SMIM1: variants seen among roughly 807,000 people sequenced by gnomAD.
The protein encoded by SMIM1 is small integral membrane protein 1 (Vel blood group).
In SMIM1, 7 loss-of-function variants were observed where a neutral mutation model predicts 7.7. The observed-to-expected ratio is 0.91, with a 90% CI of 0.52 to 1.71. The LOEUF is 1.71. Ranked by LOEUF, SMIM1 falls within the 40% of genes most tolerant of loss-of-function variation. The pLI is 0.00. For synonymous variants in SMIM1, 41 were observed against 42.7 expected (o/e 0.96, Z 0.16); for missense variants, 95 against 102.8 (o/e 0.92, Z 0.33).
In SMIM1 at chr1:3,775,083, C is replaced by G. The variant is rs933030615; in HGVS notation, c.-75-216C>G. On this transcript the variant is annotated intron_variant, in intron 2 of 3. Transcript: ENST00000642557. This position sits in a 1 kb window ranked among gnomAD's most constrained non-coding sequence, Gnocchi z 5.3. ...AAGGAAACACTGGCCTCCCACATGC[C>G]TGAGGTCAGGGCTTGGCCTGAGATG... Among the ~76,000 whole-genome samples, 1 of 152,180 alleles carries G rather than the reference C, an allele frequency of 6.6e-6. No homozygotes were observed. Among genetic ancestry groups the G allele is most frequent in the African/African-American group, 2.4e-5 (1 of 41,436 alleles).
At chr1:3,774,229 C>T (rs1643423845) in intron 2 of SMIM1, among the ~76,000 whole-genome samples, 1 of 152,134 alleles carries the variant, frequency 6.6e-6, no homozygotes, top group Admixed American at 6.5e-5. Flanking sequence ...GCCCGAGGAC[C>T]CCACTCCTGG....
At chr1:3,773,271 C>CA (rs1207042947) in intron 2 of SMIM1, 90 bp downstream of exon 2, 2 of 152,420 alleles carry the variant, frequency 1.3e-5, no homozygotes, top group Non-Finnish European at 2.9e-5. Context: ...CACAAGCCCC[C>CA]AGGAGGTGCC....
In SMIM1 at chr1:3,775,203, C is replaced by T. The variant is rs996761921; in HGVS notation, c.-75-96C>T. 36 of 546,792 alleles carry T rather than the reference C, an allele frequency of 6.6e-5. No homozygotes were observed. Among genetic ancestry groups the T allele is most frequent in the African/African-American group, 1.7e-4 (9 of 52,644 alleles). 33.9% of individuals were successfully genotyped at this position (546,792 alleles called of 1,614,324 possible). On this transcript the variant is annotated intron_variant, in intron 2 of 3. Transcript: ENST00000642557. This position sits in a 1 kb window ranked among gnomAD's most constrained non-coding sequence, Gnocchi z 5.3. ...CACCTGTTAAGTCAGGCGACAGACC[C>T]GGTGAGGGAGTCAGCCCCCGACCCT...
chr1:3,773,288 C>T (rs34961462), intron 2 of SMIM1, 107 bp downstream of exon 2: 15,148 of 152,468 alleles, frequency 0.099, 786 homozygotes, highest in Middle Eastern at 0.12. Flanking sequence ...TGCCAGGATC[C>T]GGGAGCCTCC....
chr1:3,775,444 G>T lies in SMIM1; in HGVS notation c.71G>T (p.Gly24Val). 7 of 1,511,978 alleles carry T rather than the reference G, an allele frequency of 4.6e-6. No homozygotes were observed. The highest frequency in any genetic ancestry group is 5.4e-6 in the Non-Finnish European group (6 of 1,112,614). 93.7% of individuals were successfully genotyped at this position (1,511,978 alleles called of 1,614,324 possible). A position where few individuals can be genotyped will look rare whatever the true frequency, so the allele number is the denominator to read the frequency against. The change falls in exon 3 of 4, where the codon GGG (glycine) becomes GTG (valine). Residue 24 changes from glycine to valine, a missense_variant. Transcript: ENST00000642557. The surrounding 1 kb of genome is among the most constrained non-coding windows in gnomAD (Gnocchi z 5.3). ...EDGSRDGVSLGAVSSTEEASR... is the reference protein window; with the variant it reads ...EDGSRDGVSLVAVSSTEEASR... ...GGCAGCAGGGACGGAGTCAGCCTAG[G>T]GGCTGTGTCCAGCACAGAAGAGGCC...
intron 2 of SMIM1, among the ~76,000 whole-genome samples, chr1:3,774,455 C>T (rs1468750010): frequency 6.6e-6 from 1 of 152,184 alleles, no homozygotes; most frequent in Non-Finnish European, 1.5e-5. Context: ...TGTGCTAGTG[C>T]TTGGAGTTCC....
chr1:3,773,871 G>A (rs1643419329), intron 2 of SMIM1, among the ~76,000 whole-genome samples: 1 of 152,224 alleles, frequency 6.6e-6, no homozygotes, highest in Admixed American at 6.5e-5. Context: ...GTAGGCAGCT[G>A]ACCGCTCCAC....
chr1:3,774,647 T>C (rs1643429947), intron 2 of SMIM1, among the ~76,000 whole-genome samples: 1 of 152,012 alleles, frequency 6.6e-6, no homozygotes, highest in African/African-American at 2.4e-5. Flanking sequence ...CTCCTGTCTC[T>C]GTAGGGCCTC....
In SMIM1 at chr1:3,775,285, C is replaced by G; in HGVS notation, c.-75-14C>G. The stretch of plus-strand genomic sequence containing the variant: ...GGGGTCTTGACTGCCGCCCTCCATC[C>G]GCTTGTTTTACAGTGAAGCCACAGC... On this transcript the variant is annotated splice_polypyrimidine_tract_variant and intron_variant, in intron 2 of 3. Transcript: ENST00000642557. This position sits in a 1 kb window ranked among gnomAD's most constrained non-coding sequence, Gnocchi z 5.3. The G allele has an allele frequency of 1.0e-6, 1 of 986,532 alleles. No individual in the cohort carries two copies. The highest frequency in any genetic ancestry group is 1.5e-6 in the Non-Finnish European group (1 of 679,238). The allele number at this position is 986,532 out of a possible 1,614,324, so 61.1% of individuals were successfully genotyped here.
At chr1:3,772,961 C>G (rs575845406) in intron 1 of SMIM1, 102 bp from the exon 2 acceptor site, 52 of 152,448 alleles carry the variant, frequency 3.4e-4, no homozygotes, top group African/African-American at 1.3e-3. Flanking sequence ...CGCCCGGCTC[C>G]TTGCCCGGCT....
intron 2 of SMIM1, among the ~76,000 whole-genome samples, chr1:3,774,715 C>T (rs1643431564): frequency 6.6e-6 from 1 of 152,162 alleles, no homozygotes; most frequent in African/African-American, 2.4e-5. Context: ...CCCCAAGCCC[C>T]AGCCCTCCTA....
Position 3,775,602 on chromosome 1 carries a change from A to G in SMIM1, c.110+119A>G. ...TCCACCCCATCCTGGCTGGGAGCCC[A>G]CGGTCCAGCAGCTCAGCAAACCGCA... On this transcript the variant is annotated intron_variant, in intron 3 of 3. Coordinates refer to ENST00000642557, the MANE Select transcript of SMIM1 (RefSeq NM_001288583.2). The surrounding 1 kb of genome is among the most constrained non-coding windows in gnomAD (Gnocchi z 5.3). 1 of 1,275,696 alleles carries G rather than the reference A, an allele frequency of 7.8e-7. No homozygotes were observed. Among genetic ancestry groups the G allele is most frequent in the African/African-American group, 1.5e-5 (1 of 66,976 alleles). 79.0% of individuals were successfully genotyped at this position (1,275,696 alleles called of 1,614,324 possible).
rs1169340827 is a variant in SMIM1, at chr1:3,775,411, G to A, written c.38G>A (p.Trp13Ter). 6.4e-7 allele frequency: 1 copy of A among 1,550,654 alleles called. No homozygotes were observed. Among genetic ancestry groups the A allele is most frequent in the East Asian group, 2.4e-5 (1 of 40,894 alleles). The change falls in exon 3 of 4, where the codon TGG becomes TAG. Residue 13 changes from tryptophan to a stop codon, truncating the protein, a stop_gained. Coordinates refer to ENST00000642557, the MANE Select transcript of SMIM1 (RefSeq NM_001288583.2). LOFTEE classifies it high-confidence loss of function. This position sits in a 1 kb window ranked among gnomAD's most constrained non-coding sequence, Gnocchi z 5.3. ...GAGAGCCACGTCCACTATAGTAGGT[G>A]GGAGGACGGCAGCAGGGACGGAGTC... is the stretch of plus-strand genomic sequence containing the variant. ...PQESHVHYSRWEDGSRDGVSL... is the reference protein window; with the variant it reads ...PQESHVHYSR
intron 2 of SMIM1, among the ~76,000 whole-genome samples, chr1:3,774,912 C>G (rs1411608047): frequency 6.6e-6 from 1 of 151,776 alleles, no homozygotes; most frequent in East Asian, 1.9e-4. Context: ...CCAGAAGGCG[C>G]CTTATCGGGC....
rs1643441701 is a variant in SMIM1 at position 3,775,347 on chromosome 1, C to T, written c.-27C>T. ...TCTTGATCTCCCCACCGAGAAGGCC[C>T]CGCCCCTCCCGCTGCAGCCCCACAG... On this transcript the variant is annotated 5_prime_UTR_variant, in exon 3 of 4. Coordinates refer to ENST00000642557, the MANE Select transcript of SMIM1 (RefSeq NM_001288583.2). This position sits in a 1 kb window ranked among gnomAD's most constrained non-coding sequence, Gnocchi z 5.3. 13 of 1,534,234 alleles carry T rather than the reference C, an allele frequency of 8.5e-6. No homozygotes were observed. Among genetic ancestry groups the T allele is most frequent in the Non-Finnish European group, 1.1e-5 (13 of 1,135,468 alleles).
Position 3,775,716 on chromosome 1 carries a change from A to C in SMIM1, c.111-79A>C. On this transcript the variant is annotated intron_variant, in intron 3 of 3. Coordinates refer to ENST00000642557, the MANE Select transcript of SMIM1 (RefSeq NM_001288583.2). The surrounding 1 kb of genome is among the most constrained non-coding windows in gnomAD (Gnocchi z 5.3). Reference sequence around the variant, plus strand: ...GCCCAGGCCCCTCCCCCTGACCCAGACCAACGGCCACAGTCCACTTAGGGG... The same window carrying C: ...GCCCAGGCCCCTCCCCCTGACCCAGCCCAACGGCCACAGTCCACTTAGGGG... 6.7e-7 allele frequency: 1 copy of C among 1,494,684 alleles called. No individual in the cohort carries two copies. Among genetic ancestry groups the C allele is most frequent in the Admixed American group, 2.2e-5 (1 of 45,678 alleles). The allele number at this position is 1,494,684 out of a possible 1,614,324, so 92.6% of individuals were successfully genotyped here. A position where few individuals can be genotyped will look rare whatever the true frequency, so the allele number is the denominator to read the frequency against.
At chr1:3,773,006 C>T (rs1349712159) in intron 1 of SMIM1, 57 bp from the exon 2 acceptor site, 2 of 152,304 alleles carry the variant, frequency 1.3e-5, no homozygotes, top group South Asian at 2.1e-4. Flanking sequence ...ACACCAGCCA[C>T]TTTCCCTTCC....
In SMIM1 at chr1:3,775,810, G is replaced by C; in HGVS notation, c.126G>C (p.Leu42=). The change falls in exon 4 of 4, where the codon CTG becomes CTC. Residue 42 remains leucine (L), a synonymous_variant. Transcript: ENST00000642557. The surrounding 1 kb of genome is among the most constrained non-coding windows in gnomAD (Gnocchi z 5.3). ...CTCACCCCAGGATCTCCCAGAGGCTGTGCACGGGCAAGCTGGGCATCGCCA... is the reference window on the plus strand; with the variant it reads ...CTCACCCCAGGATCTCCCAGAGGCTCTGCACGGGCAAGCTGGGCATCGCCA... The part of the protein sequence containing the change: ...ASRCRRISQR[L]CTGKLGIAMK... 6.4e-7 allele frequency: 1 copy of C among 1,550,504 alleles called. No homozygotes were observed. The highest frequency in any genetic ancestry group is 2.4e-5 in the East Asian group (1 of 40,910).
In SMIM1 at chr1:3,773,127, A is replaced by AGGCCCTGACCGCAACCT. The variant is rs1553155277; in HGVS notation, c.-124_-108dup. On this transcript the variant is annotated 5_prime_UTR_variant, in exon 2 of 4. Coordinates refer to ENST00000642557, the MANE Select transcript of SMIM1 (RefSeq NM_001288583.2). ...CGCTGGGAGGTGCGGGCCGCTGGCC[A>AGGCCCTGACCGCAACCT]GGCCCTGACCGCAACCTGGCCCAGA... The AGGCCCTGACCGCAACCT allele has an allele frequency of 6.6e-6, 1 of 152,240 alleles. No individual in the cohort carries two copies. The highest frequency in any genetic ancestry group is 1.9e-4 in the East Asian group (1 of 5,186). The allele number at this position is 152,240 out of a possible 1,614,324, so 9.4% of individuals were successfully genotyped here.
Sources: gnomAD v4.1 joint callset for allele counts (sites outside exome capture counted in the v4.1 genomes callset) on GRCh38, gnomAD v4.1.1 for gene constraint, Gnocchi (gnomAD v3.1) non-coding constraint, MANE v1.5 for transcripts, NCBI Gene and HGNC (gene_info 2026-07-23, HGNC 2026-07-21) for gene names.